Variants in SLC49A3 observed in about 807,000 individuals in gnomAD.
The protein encoded by SLC49A3 is solute carrier family 49 member A3.
A neutral mutation model predicts 43.8 loss-of-function variants in SLC49A3; 50 were observed. That is an observed-to-expected ratio of 1.14 (90% CI 0.91 to 1.45). SLC49A3 has a LOEUF of 1.45. Ranked by LOEUF, SLC49A3 falls within the 40% of genes most tolerant of loss-of-function variation. SLC49A3 has a pLI of 0.00. For synonymous variants in SLC49A3, 413 were observed against 352.0 expected (o/e 1.17, Z -1.94); for missense variants, 906 against 774.1 (o/e 1.17, Z -2.02).
At chr4:686,816 G>C in intron 1 of SLC49A3, 126 bp from the exon 2 acceptor site, 1 of 1,230,744 alleles carries the variant, frequency 8.1e-7, no homozygotes, top group East Asian at 2.5e-5. Flanking sequence ...CAGCGAGCTG[G>C]ACACGGGGCC....
downstream of SLC49A3, chr4:677,847 A>T: frequency 1.0e-6 from 1 of 992,968 alleles, no homozygotes. Context: ...CAAGGGTGTG[A>T]GTCACTGCCA....
At chr4:681,521 G>A (rs1411529598), downstream of SLC49A3, among the ~76,000 whole-genome samples, 2 of 91,298 alleles carry the variant, frequency 2.2e-5, no homozygotes, top group Non-Finnish European at 4.3e-5. Context: ...ACCTCCCCCA[G>A]ACCCCACACG....
downstream of SLC49A3, chr4:677,918 G>A: frequency 6.3e-7 from 1 of 1,590,034 alleles, no homozygotes; most frequent in South Asian, 1.1e-5. Flanking sequence ...GCCTGTCCTT[G>A]TAGGGAGTGG....
chr4:691,319 C>G (rs895081313), upstream of SLC49A3, among the ~76,000 whole-genome samples: 6 of 136,136 alleles, frequency 4.4e-5, no homozygotes, highest in Non-Finnish European at 9.2e-5. Flanking sequence ...CATGGCTGGG[C>G]GAGGTAGCTC....
At chr4:686,034 T>C in intron 3 of SLC49A3, 55 bp downstream of exon 3, 2 of 1,608,392 alleles carry the variant, frequency 1.2e-6, no homozygotes, top group Non-Finnish European at 1.7e-6. Context: ...GAGCCGAGCG[T>C]CTGTGTGGAC....
In SLC49A3 at chr4:685,874, G is replaced by A; in HGVS notation, c.546C>T (p.Ser182=). Residue 182 remains serine (S), a synonymous_variant, in exon 4 of 10, where the codon TCC becomes TCT. Coordinates refer to ENST00000322224, the MANE Select transcript of SLC49A3 (RefSeq NM_032219.4). This position sits in a 1 kb window ranked among gnomAD's most constrained non-coding sequence, Gnocchi z 4.3. ...CCTCACCCTTCTTGACCAGCACAGG[G>A]GACAGCACATTGGCCACAAGGACGC... is the stretch of plus-strand genomic sequence containing the variant. ...PLGVLVANVL[S]PVLVKKGEDI... 1 of 1,613,984 alleles carries A rather than the reference G, an allele frequency of 6.2e-7. No homozygotes were observed. Among genetic ancestry groups the A allele is most frequent in the Non-Finnish European group, 8.5e-7 (1 of 1,180,014 alleles).
chr4:690,718 C>T (rs1396342167), upstream of SLC49A3, among the ~76,000 whole-genome samples: 1 of 152,096 alleles, frequency 6.6e-6, no homozygotes, highest in Non-Finnish European at 1.5e-5. Context: ...CACCATGAAA[C>T]GGGGCAGCCA....
At position 685,288 on chromosome 4, in the gene SLC49A3, C is replaced by T. The variant is rs549905218; in HGVS notation, c.586-432G>A. On this transcript the variant is annotated intron_variant, in intron 4 of 9. Coordinates refer to ENST00000322224, the MANE Select transcript of SLC49A3 (RefSeq NM_032219.4). The surrounding 1 kb of genome is among the most constrained non-coding windows in gnomAD (Gnocchi z 4.3). ...CACGAGCACACACAGGTACACACCACACATGTGCACAGACACACAGACACA... is the reference window on the plus strand; with the variant it reads ...CACGAGCACACACAGGTACACACCATACATGTGCACAGACACACAGACACA... 6.6e-6 allele frequency among the ~76,000 whole-genome samples: 1 copy of T among 152,244 alleles called. No individual in the cohort carries two copies. The highest frequency in any genetic ancestry group is 2.4e-5 in the African/African-American group (1 of 41,506).
downstream of SLC49A3, chr4:676,893 C>T: frequency 5.1e-6 from 5 of 985,374 alleles, no homozygotes; most frequent in African/African-American, 5.2e-5. Flanking sequence ...GGAGTCAGTG[C>T]TTCATAGAGG....
intron 1 of SLC49A3, chr4:687,152 A>G (rs923776516): frequency 1.7e-5 from 3 of 172,590 alleles, no homozygotes; most frequent in Non-Finnish European, 3.7e-5. Context: ...CACAGGCATT[A>G]TCAAGTACTA....
intron 9 of SLC49A3, 50 bp from the exon 10 acceptor site, chr4:682,426 G>T: frequency 7.6e-7 from 1 of 1,310,386 alleles, no homozygotes. Context: ...AGGGGCCACA[G>T]ATGGGCAGAG....
At chr4:679,038 G>C, downstream of SLC49A3, 1 of 1,612,642 alleles carries the variant, frequency 6.2e-7, no homozygotes, top group Non-Finnish European at 8.5e-7. Context: ...CCCTGGGTAG[G>C]TACCCAGGCA....
In SLC49A3 at chr4:682,875, T is replaced by C. The variant is rs767818752; in HGVS notation, c.1167A>G (p.Ile389Met). The stretch of plus-strand genomic sequence containing the variant: ...GTGCCGTCATTGCCAGCATGATGAG[T>C]ATTCCCTCGGCCTGCCTGGACACAC... ...MIFVLGQAEGILIMLAMTALT... is the reference protein window; with the variant it reads ...MIFVLGQAEGMLIMLAMTALT... Residue 389 changes from isoleucine (I) to methionine (M), a missense_variant, in exon 9 of 10, where the codon ATA becomes ATG. Transcript: ENST00000322224. The C allele has an allele frequency of 1.3e-6, 2 of 1,596,322 alleles. No homozygotes were observed. Among genetic ancestry groups the C allele is most frequent in the Non-Finnish European group, 1.7e-6 (2 of 1,168,896 alleles).
chr4:683,609 C>T lies in SLC49A3; in HGVS notation c.993G>A (p.Leu331=). The T allele has an allele frequency of 6.2e-7, 1 of 1,609,168 alleles. No individual in the cohort carries two copies. The highest frequency in any genetic ancestry group is 8.5e-7 in the Non-Finnish European group (1 of 1,178,180). Residue 331 remains leucine, a splice_region_variant and synonymous_variant, in exon 7 of 10, where the codon CTG becomes CTA. Transcript: ENST00000322224. ...LFSLACVPFA[L]VSQLQGQTLA... Reference sequence around the variant, plus strand: ...AGTCTTGGCTTGAGGAGACCCTCACCAGGGCAAAGGGCACGCAGGCCAGAG... The same window carrying T: ...AGTCTTGGCTTGAGGAGACCCTCACTAGGGCAAAGGGCACGCAGGCCAGAG...
chr4:684,189 T>C (rs1041195828), intron 6 of SLC49A3, among the ~76,000 whole-genome samples: 1 of 152,126 alleles, frequency 6.6e-6, no homozygotes, highest in African/African-American at 2.4e-5. Context: ...GGCGGGGCCT[T>C]GCTGGGAAGG....
At chr4:691,366 G>T (rs1741875711), upstream of SLC49A3, among the ~76,000 whole-genome samples, 1 of 151,434 alleles carries the variant, frequency 6.6e-6, no homozygotes, top group Non-Finnish European at 1.5e-5. Flanking sequence ...GGCCGAGGTG[G>T]GTGGATTACC....
At chr4:688,364 C>T (rs1017273850) in intron 1 of SLC49A3, among the ~76,000 whole-genome samples, 6 of 152,264 alleles carry the variant, frequency 3.9e-5, no homozygotes, top group Admixed American at 1.3e-4. Flanking sequence ...TGCCCCTGCC[C>T]CCGAGCTTCC....
chr4:686,080 G>A lies in SLC49A3; in HGVS notation c.508+9C>T, dbSNP rs772199014. On this transcript the variant is annotated intron_variant, in intron 3 of 9. Coordinates refer to ENST00000322224, the MANE Select transcript of SLC49A3 (RefSeq NM_032219.4). ...GCCCAGGCAGGCGGCCTCCCTCCCC[G>A]GAACTCACACATGGTGGCGAGCATG... is the stretch of plus-strand genomic sequence containing the variant. 5.8e-5 allele frequency: 93 copies of A among 1,612,778 alleles called. No homozygotes were observed. The South Asian group carries it at 6.0e-4, about 10-fold the overall frequency.
chr4:677,791 C>T, downstream of SLC49A3: 1 of 641,988 alleles, frequency 1.6e-6, no homozygotes, highest in Non-Finnish European at 2.8e-6. Flanking sequence ...GTAGTCCTGG[C>T]CAGAGGTATC....
Sources: allele counts gnomAD v4.1 joint callset (sites outside exome capture counted in the v4.1 genomes callset), GRCh38; gene constraint gnomAD v4.1.1; non-coding constraint Gnocchi (gnomAD v3.1); transcripts MANE v1.5; gene names NCBI Gene and HGNC (gene_info 2026-07-23, HGNC 2026-07-21).